Variants in PHACTR3 observed in about 807,000 individuals in gnomAD.
PHACTR3 encodes phosphatase and actin regulator 3.
PHACTR3 carries 16 observed loss-of-function variants against 66.8 expected under a neutral mutation model. The ratio of observed to expected loss-of-function variants is 0.24; its 90% CI spans 0.16 to 0.36. The LOEUF (loss-of-function observed/expected upper bound fraction) is 0.36. Among genes scored for constraint, PHACTR3 ranks in the 10% least tolerant of loss-of-function variants. The pLI is 1.00. For synonymous variants in PHACTR3, 323 were observed against 292.1 expected, an observed-to-expected ratio of 1.11 and a Z score of -1.08; for missense variants, 647 against 719.9, an observed-to-expected ratio of 0.90 and a Z score of 1.16.
intron 1 of PHACTR3, among the ~76,000 whole-genome samples, chr20:59,592,626 C>T (rs1224413783): frequency 2.0e-5 from 3 of 152,198 alleles, no homozygotes; most frequent in Admixed American, 6.5e-5. Context: ...CCCTACAAAT[C>T]CTCTGTGCTC....
intron 7 of PHACTR3, among the ~76,000 whole-genome samples, chr20:59,775,044 C>T (rs1429360813): frequency 6.6e-6 from 1 of 151,758 alleles, no homozygotes; most frequent in African/African-American, 2.4e-5. Context: ...TCACAGGGTC[C>T]TTGGAAGCCA....
intron 7 of PHACTR3, among the ~76,000 whole-genome samples, chr20:59,796,396 C>A (rs1168824907): frequency 6.6e-6 from 1 of 152,102 alleles, no homozygotes; most frequent in Non-Finnish European, 1.5e-5. Flanking sequence ...TTTACCTACA[C>A]CATTATCATA....
At chr20:59,804,976 G>T (rs1005042884) in intron 7 of PHACTR3, among the ~76,000 whole-genome samples, 1 of 152,084 alleles carries the variant, frequency 6.6e-6, no homozygotes, top group Non-Finnish European at 1.5e-5. Flanking sequence ...TTAAATCCCG[G>T]CCCAAAAAAA....
At chr20:59,804,423 A>T (rs2041504714) in intron 7 of PHACTR3, among the ~76,000 whole-genome samples, 1 of 152,228 alleles carries the variant, frequency 6.6e-6, no homozygotes, top group Non-Finnish European at 1.5e-5. Flanking sequence ...CACGTTCAGT[A>T]TAGTTTTATG....
intron 1 of PHACTR3, among the ~76,000 whole-genome samples, chr20:59,637,847 G>A (rs2034951011): frequency 6.6e-6 from 1 of 152,148 alleles, no homozygotes; most frequent in African/African-American, 2.4e-5. Context: ...TATGAGGGTG[G>A]CTACCATTTT....
intron 7 of PHACTR3, among the ~76,000 whole-genome samples, chr20:59,792,543 G>A (rs1266338215): frequency 1.3e-5 from 2 of 152,184 alleles, no homozygotes; most frequent in Non-Finnish European, 2.9e-5. Flanking sequence ...TTGGCCAAGG[G>A]CTGGGCTATG....
intron 10 of PHACTR3, among the ~76,000 whole-genome samples, chr20:59,841,016 T>C (rs762240152): frequency 1.3e-5 from 2 of 152,242 alleles, no homozygotes; most frequent in Non-Finnish European, 2.9e-5. Flanking sequence ...TCTCTTGAAA[T>C]TAACAGAATA....
intron 1 of PHACTR3, among the ~76,000 whole-genome samples, chr20:59,599,273 G>A (rs1465757586): frequency 6.6e-6 from 1 of 152,186 alleles, no homozygotes; most frequent in African/African-American, 2.4e-5. Context: ...GACCTCCCAG[G>A]CACATTCTTG....
At chr20:59,743,604 G>A (rs1049904419) in intron 2 of PHACTR3, among the ~76,000 whole-genome samples, 5 of 152,210 alleles carry the variant, frequency 3.3e-5, no homozygotes, top group Non-Finnish European at 7.3e-5. Context: ...ACTGGCTTTG[G>A]AGCAAGGTCT....
At chr20:59,655,980 A>G (rs1407186854) in intron 1 of PHACTR3, among the ~76,000 whole-genome samples, 5 of 151,844 alleles carry the variant, frequency 3.3e-5, no homozygotes, top group Non-Finnish European at 7.4e-5. Context: ...ATTGCTTTCT[A>G]ATTTCATTCC....
At chr20:59,808,355 A>G (rs2041630969) in intron 8 of PHACTR3, among the ~76,000 whole-genome samples, 1 of 152,102 alleles carries the variant, frequency 6.6e-6, no homozygotes, top group South Asian at 2.1e-4. Flanking sequence ...TTCCCCTTTC[A>G]CCAGGCCAGA....
At chr20:59,577,646 G>A (rs1219132485) in intron 1 of PHACTR3, 23 of 1,194,542 alleles carry the variant, frequency 1.9e-5, no homozygotes, top group Non-Finnish European at 2.3e-5. Flanking sequence ...GAGGGGACGC[G>A]GGACGTGGGG....
At chr20:59,616,901 G>A (rs2034043027) in intron 1 of PHACTR3, among the ~76,000 whole-genome samples, 1 of 152,086 alleles carries the variant, frequency 6.6e-6, no homozygotes, top group South Asian at 2.1e-4. Flanking sequence ...ACCATGCCAT[G>A]TGGGGTAAGC....
chr20:59,670,061 CTG>C (rs1362013584), intron 1 of PHACTR3, among the ~76,000 whole-genome samples: 2 of 152,238 alleles, frequency 1.3e-5, no homozygotes, highest in Non-Finnish European at 2.9e-5. Context: ...TTTGATGAAT[CTG>C]TGAACTAGGC....
chr20:59,603,279 T>G (rs2033534321), upstream of PHACTR3, among the ~76,000 whole-genome samples: 1 of 152,176 alleles, frequency 6.6e-6, no homozygotes, highest in Admixed American at 6.5e-5. Context: ...GTCTCTGTGT[T>G]TGTGCACTGC....
chr20:59,709,701 G>T (rs893348479), intron 1 of PHACTR3, among the ~76,000 whole-genome samples: 1 of 152,146 alleles, frequency 6.6e-6, no homozygotes, highest in Non-Finnish European at 1.5e-5. Context: ...GTTTTAGGAA[G>T]AAATTAGATT....
intron 1 of PHACTR3, among the ~76,000 whole-genome samples, chr20:59,726,928 T>G (rs2038585742): frequency 6.6e-6 from 1 of 152,182 alleles, no homozygotes; most frequent in South Asian, 2.1e-4. Flanking sequence ...GTCTTTTCAT[T>G]TTACAGTGTT....
chr20:59,771,807 G>A (rs1472973247), intron 5 of PHACTR3, among the ~76,000 whole-genome samples: 1 of 152,234 alleles, frequency 6.6e-6, no homozygotes, highest in East Asian at 1.9e-4. Context: ...GAGGTTTACA[G>A]TTTCCTTTTG....
At chr20:59,809,219 C>T (rs781141856) in intron 8 of PHACTR3, among the ~76,000 whole-genome samples, 2 of 151,996 alleles carry the variant, frequency 1.3e-5, no homozygotes, top group Admixed American at 6.6e-5. Flanking sequence ...GAGGCCGGCC[C>T]GGGGTGGGGC....
Sources: gnomAD v4.1 joint callset for allele counts (sites outside exome capture counted in the v4.1 genomes callset) on GRCh38, gnomAD v4.1.1 for gene constraint, MANE v1.5 for transcripts, NCBI Gene and HGNC (gene_info 2026-07-23, HGNC 2026-07-21) for gene names.